CWH43: variants seen among roughly 807,000 people sequenced by gnomAD.
CWH43 encodes the protein PGAP2-interacting protein.
In CWH43, 91 loss-of-function variants were observed where a neutral mutation model predicts 85.7. That is an observed-to-expected ratio of 1.06 (90% CI 0.90 to 1.26). CWH43 has a LOEUF of 1.26. Among genes scored for constraint, CWH43 ranks in the 50% most tolerant of loss-of-function variants. The pLI, the probability that CWH43 is intolerant of heterozygous loss-of-function variation, is 0.00. For missense variants in CWH43, 869 were observed against 839.2 expected (o/e 1.04, Z -0.44); for synonymous variants, 323 against 293.6 (o/e 1.10, Z -1.02).
At chr4:49,018,565 T>C (rs1439529983) in intron 9 of CWH43, among the ~76,000 whole-genome samples, 2 of 152,246 alleles carry the variant, frequency 1.3e-5, no homozygotes, top group Non-Finnish European at 2.9e-5. Context: ...TCTCTTGCTA[T>C]CTGCAGTTTT....
Position 48,994,754 on chromosome 4 carries a change from T to A in CWH43, c.647T>A (p.Val216Asp), listed in dbSNP as rs750611314. The A allele has an allele frequency of 2.5e-6, 4 of 1,614,038 alleles. No homozygotes were observed. The highest frequency in any genetic ancestry group is 2.5e-6 in the Non-Finnish European group (3 of 1,180,014). ...CTCACCCACTGGGTTTTTGGAGAAG[T>A]CTCTCTTGTTTCCAGATGGGCAGTG... ...VFLTHWVFGE[V>D]SLVSRWAVSG... Residue 216 changes from valine to aspartate, a missense_variant, in exon 5 of 16, where the codon GTC (valine) becomes GAC (aspartate). Val to Asp is a radical substitution (Grantham distance 152). Transcript: ENST00000226432.
chr4:49,002,489 A>G (rs560203193), intron 6 of CWH43, among the ~76,000 whole-genome samples: 4 of 152,350 alleles, frequency 2.6e-5, no homozygotes, highest in African/African-American at 9.6e-5. Flanking sequence ...ACTTCTGTAT[A>G]TACACAGAAG....
intron 6 of CWH43, among the ~76,000 whole-genome samples, chr4:49,000,919 C>T (rs532714989): frequency 6.6e-6 from 1 of 152,346 alleles, no homozygotes; most frequent in East Asian, 1.9e-4. Context: ...CCAGCTTCAT[C>T]TTCCTTTCTG....
At chr4:48,993,249 G>C (rs899924741) in intron 4 of CWH43, among the ~76,000 whole-genome samples, 1 of 152,100 alleles carries the variant, frequency 6.6e-6, no homozygotes, top group African/African-American at 2.4e-5. Flanking sequence ...TGGGTCCTGG[G>C]TGGGGGTGGA....
In CWH43 at chr4:49,061,063, G is replaced by A. The variant is rs552369007; in HGVS notation, c.2022-749G>A. On this transcript the variant is annotated intron_variant, in intron 15 of 15. Transcript: ENST00000226432. ...TGGATGCACCAACATTTAGCTAATC[G>A]ATTTTGTTATTTTTGCATATTTATT... Among the ~76,000 whole-genome samples the A allele has an allele frequency of 3.9e-5, 6 of 152,090 alleles. No individual in the cohort carries two copies. The East Asian group carries it at 5.8e-4, about 15-fold the overall frequency.
chr4:48,997,105 T>C (rs2109750872), intron 5 of CWH43, among the ~76,000 whole-genome samples: 1 of 152,346 alleles, frequency 6.6e-6, no homozygotes, highest in Middle Eastern at 3.4e-3. Context: ...TTAGAACATC[T>C]ATTAATATCT....
chr4:49,027,234 A>T (rs1322284189), intron 9 of CWH43, among the ~76,000 whole-genome samples: 1 of 152,196 alleles, frequency 6.6e-6, no homozygotes, highest in African/African-American at 2.4e-5. Flanking sequence ...GACTTAGAAT[A>T]TATTTTGAAA....
At chr4:49,010,442 AT>A (rs528039223) in intron 8 of CWH43, among the ~76,000 whole-genome samples, 1 of 151,974 alleles carries the variant, frequency 6.6e-6, no homozygotes, top group Non-Finnish European at 1.5e-5. Flanking sequence ...GGATTCATTG[AT>A]TTTTTTGAAG....
At chr4:49,035,320 A>G (rs144866205) in intron 12 of CWH43, among the ~76,000 whole-genome samples, 17 of 152,342 alleles carry the variant, frequency 1.1e-4, no homozygotes, top group African/African-American at 3.6e-4. Context: ...TGACTGCACA[A>G]ATATGTCTTT....
chr4:49,001,690 T>C (rs1782997535), intron 6 of CWH43, among the ~76,000 whole-genome samples: 1 of 152,102 alleles, frequency 6.6e-6, no homozygotes, highest in Non-Finnish European at 1.5e-5. Context: ...TTTTGGTGGA[T>C]TTAAAATATA....
intron 15 of CWH43, among the ~76,000 whole-genome samples, chr4:49,051,950 A>G (rs1784812001): frequency 6.6e-6 from 1 of 152,186 alleles, no homozygotes; most frequent in African/African-American, 2.4e-5. Context: ...TTTCTCTCCC[A>G]TGACTGGATA....
intron 14 of CWH43, among the ~76,000 whole-genome samples, chr4:49,049,476 C>T (rs558189238): frequency 2.6e-4 from 39 of 152,010 alleles, no homozygotes; most frequent in South Asian, 8.3e-4. Context: ...GTAGCTGTCA[C>T]AGACCTCTGC....
chr4:49,004,562 A>C (rs1783094077), intron 7 of CWH43, among the ~76,000 whole-genome samples: 1 of 152,066 alleles, frequency 6.6e-6, no homozygotes, highest in South Asian at 2.1e-4. Flanking sequence ...TAATTTAAAA[A>C]ATTTTTTGTA....
intron 14 of CWH43, among the ~76,000 whole-genome samples, chr4:49,045,797 A>C (rs1784605688): frequency 6.6e-6 from 1 of 152,124 alleles, no homozygotes; most frequent in Non-Finnish European, 1.5e-5. Context: ...GTGGTATTCC[A>C]ATACTTGTAT....
chr4:49,049,315 A>G (rs368609146), intron 14 of CWH43, among the ~76,000 whole-genome samples: 1 of 152,046 alleles, frequency 6.6e-6, no homozygotes, highest in Admixed American at 6.5e-5. Flanking sequence ...TCTATTTTGC[A>G]TGGAGTTACA....
chr4:49,014,142 G>T (rs1193378419), intron 8 of CWH43, among the ~76,000 whole-genome samples: 1 of 152,090 alleles, frequency 6.6e-6, no homozygotes, highest in East Asian at 1.9e-4. Context: ...CTTCATATAT[G>T]TTTCATCTTA....
rs373067439 is a variant in CWH43, at chr4:49,006,138, A to G, written c.1061-1063A>G. Among the ~76,000 whole-genome samples, 29 of 152,220 alleles carry G rather than the reference A, an allele frequency of 1.9e-4. No individual in the cohort carries two copies. The East Asian group carries it at 5.0e-3, about 26-fold the overall frequency. ...CTCTCCTGCTTTGTTTTCTTGTCCA[A>G]TGCCCTGCTTTTTTTCTTATACCAG... On this transcript the variant is annotated intron_variant, in intron 7 of 15. Transcript: ENST00000226432.
chr4:49,001,557 G>A (rs947290859), intron 6 of CWH43, among the ~76,000 whole-genome samples: 2 of 152,100 alleles, frequency 1.3e-5, no homozygotes, highest in East Asian at 1.9e-4. Context: ...AGGATGCAAT[G>A]GTAAGTGCTT....
chr4:49,037,108 G>C (rs1421240090), intron 12 of CWH43, among the ~76,000 whole-genome samples: 1 of 152,140 alleles, frequency 6.6e-6, no homozygotes, highest in East Asian at 1.9e-4. Flanking sequence ...GGGTGTTTCT[G>C]TTTTCCTGGC....
Sources: allele counts gnomAD v4.1 joint callset (sites outside exome capture counted in the v4.1 genomes callset), GRCh38; gene constraint gnomAD v4.1.1; transcripts MANE v1.5; gene names NCBI Gene and HGNC (gene_info 2026-07-23, HGNC 2026-07-21).